Variants in SAMD12 observed in about 807,000 individuals in gnomAD.
The protein encoded by SAMD12 is sterile alpha motif domain containing 12, also known as sterile alpha motif domain-containing protein 12.
A neutral mutation model predicts 15.0 loss-of-function variants in SAMD12; 9 were observed. The ratio of observed to expected loss-of-function variants is 0.60; its 90% CI spans 0.36 to 1.05. SAMD12 has a LOEUF of 1.05. SAMD12 is among the 50% of genes least tolerant of loss of function. The pLI is 0.01. For synonymous variants in SAMD12, 86 were observed against 90.1 expected (o/e 0.96, Z 0.25); for missense variants, 230 against 234.2 (o/e 0.98, Z 0.12).
At chr8:118,408,292 A>G (rs1393442799) in intron 3 of SAMD12, among the ~76,000 whole-genome samples, 1 of 152,178 alleles carries the variant, frequency 6.6e-6, no homozygotes, top group Non-Finnish European at 1.5e-5. Context: ...AATAGTGTGC[A>G]GACTGTTGCC....
intron 1 of SAMD12, among the ~76,000 whole-genome samples, chr8:118,604,389 C>T (rs775571221): frequency 6.6e-6 from 1 of 152,086 alleles, no homozygotes; most frequent in South Asian, 2.1e-4. Context: ...GAAATAATGA[C>T]ACTAAGAGGT....
intron 2 of SAMD12, among the ~76,000 whole-genome samples, chr8:118,548,388 C>CACACACAT (rs1362261598): frequency 2.7e-5 from 1 of 36,760 alleles, no homozygotes; most frequent in Non-Finnish European, 5.5e-5. Context: ...CACACATACA[C>CACACACAT]ACACACACAC....
At chr8:118,565,531 C>T (rs1826823260) in intron 2 of SAMD12, among the ~76,000 whole-genome samples, 2 of 152,222 alleles carry the variant, frequency 1.3e-5, no homozygotes. Context: ...TTGGTTTCTA[C>T]ATTCTTTGTC....
At chr8:118,592,883 T>C (rs905257143) in intron 1 of SAMD12, among the ~76,000 whole-genome samples, 1 of 152,154 alleles carries the variant, frequency 6.6e-6, no homozygotes, top group Non-Finnish European at 1.5e-5. Context: ...CAAAAAAGAA[T>C]ATTCCAGGCA....
intron 4 of SAMD12, among the ~76,000 whole-genome samples, chr8:118,277,232 C>A (rs1813496050): frequency 6.6e-6 from 1 of 152,190 alleles, no homozygotes; most frequent in Non-Finnish European, 1.5e-5. Context: ...CCATCTCTCT[C>A]CCACATGGTG....
chr8:118,366,812 CAAATAAAATAAAATAAAATA>C (rs1554643154), intron 4 of SAMD12, among the ~76,000 whole-genome samples: 8 of 78,072 alleles, frequency 1.0e-4, no homozygotes, highest in South Asian at 4.3e-4. Context: ...AACTCTGTCT[CAAATAAAATAAAATAAAATA>C]AAATAAAATA....
intron 3 of SAMD12, among the ~76,000 whole-genome samples, chr8:118,426,678 A>G (rs73311793): frequency 0.017 from 2,579 of 152,326 alleles, 68 homozygotes; most frequent in African/African-American, 0.045. Context: ...AATTTAGAGT[A>G]TCGATGAATG....
the SAMD12 span, among the ~76,000 whole-genome samples, chr8:118,171,261 C>G: frequency 6.6e-6 from 1 of 152,204 alleles, no homozygotes; most frequent in African/African-American, 2.4e-5. Context: ...GGAAAACACT[C>G]TGAGAGGTCC....
chr8:118,320,018 G>A (rs936365341), intron 4 of SAMD12, among the ~76,000 whole-genome samples: 1 of 152,186 alleles, frequency 6.6e-6, no homozygotes, highest in Admixed American at 6.5e-5. Flanking sequence ...TTTTAAAAGA[G>A]AGATTAGTGG....
intron 2 of SAMD12, among the ~76,000 whole-genome samples, chr8:118,547,768 C>A (rs377500347): frequency 3.9e-5 from 6 of 152,112 alleles, no homozygotes; most frequent in East Asian, 3.8e-4. Flanking sequence ...TAGTATTTTT[C>A]TTTAAAGTAA....
intron 2 of SAMD12, among the ~76,000 whole-genome samples, chr8:118,569,608 A>G (rs184684331): frequency 1.3e-5 from 2 of 152,296 alleles, no homozygotes; most frequent in Admixed American, 6.5e-5. Flanking sequence ...GATGATGTCA[A>G]TGAGGGTGGA....
intron 4 of SAMD12, among the ~76,000 whole-genome samples, chr8:118,321,296 T>G (rs1347146093): frequency 5.9e-4 from 39 of 66,272 alleles, no homozygotes; most frequent in Admixed American, 8.8e-4. Flanking sequence ...TTTTTTTTTG[T>G]TTTTTTTTTT....
At chr8:118,152,048 G>C in the SAMD12 span, among the ~76,000 whole-genome samples, 4 of 152,044 alleles carry the variant, frequency 2.6e-5, no homozygotes, top group African/African-American at 9.7e-5. Flanking sequence ...CAGATATAAA[G>C]AGCATGTCCA....
chr8:118,417,008 A>C (rs1276567150), intron 3 of SAMD12, among the ~76,000 whole-genome samples: 3 of 152,208 alleles, frequency 2.0e-5, no homozygotes, highest in African/African-American at 7.2e-5. Flanking sequence ...GAGCTAAGTG[A>C]AACTAGGTTA....
chr8:118,281,151 T>C (rs990892479), intron 4 of SAMD12, among the ~76,000 whole-genome samples: 3 of 152,164 alleles, frequency 2.0e-5, no homozygotes, highest in Non-Finnish European at 4.4e-5. Flanking sequence ...GTCAAAAAAT[T>C]GTGTTATTCT....
chr8:118,180,658 C>T, the SAMD12 span, among the ~76,000 whole-genome samples: 13 of 152,170 alleles, frequency 8.5e-5, no homozygotes, highest in Admixed American at 7.2e-4. Context: ...CTGCAACCTC[C>T]GCCTCCCAGG....
chr8:118,510,041 A>G (rs370254100), intron 2 of SAMD12, among the ~76,000 whole-genome samples: 1 of 152,220 alleles, frequency 6.6e-6, no homozygotes, highest in East Asian at 1.9e-4. Flanking sequence ...AGAGTAGTTC[A>G]GACTCACATA....
rs1818790485 is a variant in SAMD12 at position 118,366,788 on chromosome 8, G to T, written c.433+12772C>A. Among the ~76,000 whole-genome samples, 6 of 143,230 alleles carry T rather than the reference G, an allele frequency of 4.2e-5. No individual in the cohort carries two copies. The Admixed American group carries it at 4.4e-4, about 10-fold the overall frequency. 94.0% of individuals were successfully genotyped at this position (143,230 alleles called of 152,430 possible). On this transcript the variant is annotated intron_variant, in intron 4 of 4. Transcript: ENST00000409003. ...GATCGCGCCATTGCACTCCAGCCTG[G>T]GCAACAAGAGTGAAACTCTGTCTCA...
At chr8:118,406,241 CAT>C (rs752574724) in intron 3 of SAMD12, among the ~76,000 whole-genome samples, 33 of 151,172 alleles carry the variant, frequency 2.2e-4, no homozygotes, top group Admixed American at 7.9e-4. Context: ...AAATATATAA[CAT>C]AATTTACCAT....
Sources: allele counts gnomAD v4.1 joint callset (sites outside exome capture counted in the v4.1 genomes callset), GRCh38; gene constraint gnomAD v4.1.1; transcripts MANE v1.5; gene names NCBI Gene and HGNC (gene_info 2026-07-23, HGNC 2026-07-21).